Variants in COL1A2 observed in about 807,000 individuals in gnomAD.
The protein encoded by COL1A2 is collagen type I alpha 2 chain, also known as collagen alpha-2(I) chain.
Under a neutral mutation model 174.3 loss-of-function variants are expected in COL1A2, and 49 were observed. That is an observed-to-expected ratio of 0.28 (90% confidence interval 0.22 to 0.36). The LOEUF is 0.36. Ranked by LOEUF, COL1A2 falls within the 10% of genes least tolerant of loss-of-function variation. The pLI is 1.00. For missense variants in COL1A2, 1,438 were observed against 1,822.7 expected (o/e 0.79, Z 3.84); for synonymous variants, 655 against 606.6 (o/e 1.08, Z -1.17).
rs143939843 is a variant in COL1A2 at position 94,425,642 on chromosome 7, C to T, written c.2814C>T (p.Arg938=). 13 of 1,613,986 alleles carry T rather than the reference C, an allele frequency of 8.1e-6. No individual in the cohort carries two copies. The highest frequency in any genetic ancestry group is 6.7e-5 in the African/African-American group (5 of 74,892). Residue 938 remains arginine (R), a synonymous_variant, in exon 43 of 52, where the codon CGC becomes CGT. Transcript: ENST00000297268. ...CTGGGAACGATGGTCCCCCAGGTCG[C>T]GATGGTCAACCCGGACACAAGGTCA... ...GNPGNDGPPG[R]DGQPGHKGER... is the part of the protein sequence containing the mutation.
chr7:94,420,501 G>A, intron 36 of COL1A2, 40 bp from the exon 37 acceptor site: 3 of 1,613,984 alleles, frequency 1.9e-6, no homozygotes, highest in Non-Finnish European at 2.5e-6. Context: ...GGAGTAGAGT[G>A]GGTCGGAATA....
Position 94,412,088 on chromosome 7 carries a change from A to C in COL1A2, c.1371A>C (p.Gly457=). The change falls in exon 24 of 52, where the codon GGA becomes GGC. Residue 457 remains glycine (G), a synonymous_variant. Coordinates refer to ENST00000297268, the MANE Select transcript of COL1A2 (RefSeq NM_000089.4). The part of the protein sequence containing the change: ...MGPRGLPGSP[G]NIGPAGKEGP... The stretch of plus-strand genomic sequence containing the variant: ...TATAGGGTCTTCCTGGTTCCCCTGG[A>C]AATATCGGCCCCGCTGGAAAAGAAG... 1.2e-6 allele frequency: 2 copies of C among 1,612,880 alleles called. No individual in the cohort carries two copies. Among genetic ancestry groups the C allele is most frequent in the Non-Finnish European group, 1.7e-6 (2 of 1,179,282 alleles).
chr7:94,419,410 T>C lies in COL1A2; in HGVS notation c.2026-88T>C, dbSNP rs375325462. On this transcript the variant is annotated intron_variant, in intron 33 of 51. Transcript: ENST00000297268. Reference sequence around the variant, plus strand: ...GAGTGCAGTGAAAGTGTTCAGTCACTGTATAAGCACAGAAAAAAAGAATGA... The same window carrying C: ...GAGTGCAGTGAAAGTGTTCAGTCACCGTATAAGCACAGAAAAAAAGAATGA... 28 of 1,450,230 alleles carry C rather than the reference T, an allele frequency of 1.9e-5. 2 individuals carry two copies. The African/African-American group carries it at 2.9e-4, about 15-fold the overall frequency. 89.8% of individuals were successfully genotyped at this position (1,450,230 alleles called of 1,614,324 possible). A position where few individuals can be genotyped will look rare whatever the true frequency, so the allele number is the denominator to read the frequency against.
intron 5 of COL1A2, among the ~76,000 whole-genome samples, 192 bp from the exon 6 acceptor site, chr7:94,401,375 C>A (rs1243870921): frequency 6.6e-6 from 1 of 152,074 alleles, no homozygotes; most frequent in Non-Finnish European, 1.5e-5. Flanking sequence ...AAGTTTTTGA[C>A]GTACAGCTCT....
At chr7:94,411,181 ATCACACCTGGCATTACT>A in intron 23 of COL1A2, 27 bp downstream of exon 23, 1 of 1,489,118 alleles carries the variant, frequency 6.7e-7, no homozygotes, top group Non-Finnish European at 9.2e-7. Flanking sequence ...TTCTGAGCAA[ATCACACCTGGCATTACT>A]TCCTTCTTTA....
intron 31 of COL1A2, among the ~76,000 whole-genome samples, chr7:94,417,262 T>G (rs1038963934): frequency 6.6e-6 from 1 of 152,170 alleles, no homozygotes; most frequent in African/African-American, 2.4e-5. Flanking sequence ...GTTTTAAGTA[T>G]GTGGAATTGT....
rs370146896 is a variant in COL1A2, at chr7:94,409,419, C to T, written c.890C>T (p.Pro297Leu). The T allele has an allele frequency of 7.4e-6, 12 of 1,613,954 alleles. No homozygotes were observed. The African/African-American group carries it at 1.2e-4, about 16-fold the overall frequency. The change falls in exon 17 of 52, where the codon CCT becomes CTT. Residue 297 changes from proline (P) to leucine (L), a missense_variant and splice_region_variant. Coordinates refer to ENST00000297268, the MANE Select transcript of COL1A2 (RefSeq NM_000089.4). ...GGCCTCTCCGGCCCCGTTGGACCTC[C>T]TGTAAGTAGCCACTGTCTTTAAACT... Reference protein sequence around the residue: ...LPGLSGPVGPPGNPGANGLTG... With the variant: ...LPGLSGPVGPLGNPGANGLTG...
intron 16 of COL1A2, among the ~76,000 whole-genome samples, 167 bp downstream of exon 16, chr7:94,408,990 A>C (rs1279148384): frequency 6.6e-6 from 1 of 152,186 alleles, no homozygotes; most frequent in African/African-American, 2.4e-5. Context: ...TCTACATTTG[A>C]AATAGATCAT....
chr7:94,395,462 A>G (rs1340598590), intron 1 of COL1A2: 1 of 361,382 alleles, frequency 2.8e-6, no homozygotes, highest in East Asian at 7.2e-5. Flanking sequence ...CACAGGCCCC[A>G]TAACCGCACT....
chr7:94,408,338 T>C lies in COL1A2; in HGVS notation c.696T>C (p.Gly232=). 6.2e-7 allele frequency: 1 copy of C among 1,614,112 alleles called. No individual in the cohort carries two copies. The highest frequency in any genetic ancestry group is 1.1e-5 in the South Asian group (1 of 91,072). The stretch of plus-strand genomic sequence containing the variant: ...TCTTCCCTTTATTTTCTTCTTAGGG[T>C]GCCCGTGGCAGTGATGGAAGTGTGG... ...RGRVGAPGPA[G]ARGSDGSVGP... The change falls in exon 15 of 52, where the codon GGT becomes GGC. Residue 232 remains glycine (G), a splice_region_variant and synonymous_variant. Coordinates refer to ENST00000297268, the MANE Select transcript of COL1A2 (RefSeq NM_000089.4).
At position 94,416,419 on chromosome 7, in the gene COL1A2, C is replaced by G. The variant is rs557321932; in HGVS notation, c.1779C>G (p.Pro593=). ...GPAGPRGERG[P]PGESGAAGPT... Reference sequence around the variant, plus strand: ...ACTTTTTTCAGGGGGAACGCGGTCCCCCAGGTGAGAGTGGTGCTGCCGGTC... The same window carrying G: ...ACTTTTTTCAGGGGGAACGCGGTCCGCCAGGTGAGAGTGGTGCTGCCGGTC... Residue 593 remains proline (P), a synonymous_variant, in exon 31 of 52, where the codon CCC becomes CCG. Transcript: ENST00000297268. The G allele has an allele frequency of 6.3e-7, 1 of 1,579,050 alleles. No homozygotes were observed. Among genetic ancestry groups the G allele is most frequent in the East Asian group, 2.3e-5 (1 of 43,150 alleles).
chr7:94,409,679 G>A (rs1272977528), intron 18 of COL1A2, 44 bp from the exon 19 acceptor site: 2 of 1,613,518 alleles, frequency 1.2e-6, no homozygotes, highest in South Asian at 2.2e-5. Context: ...TGCCTCTACA[G>A]CCCATCACCT....
chr7:94,398,297 T>C (rs1363385408), intron 2 of COL1A2, 85 bp from the exon 3 acceptor site: 1 of 458,604 alleles, frequency 2.2e-6, no homozygotes, highest in African/African-American at 2.1e-5. Context: ...GAAGGTATAT[T>C]TGTATACTAC....
chr7:94,430,307 C>T lies in COL1A2; in HGVS notation c.4015C>T (p.Leu1339=). Residue 1339 remains leucine, a synonymous_variant, in exon 52 of 52, where the codon CTG becomes TTG. Coordinates refer to ENST00000297268, the MANE Select transcript of COL1A2 (RefSeq NM_000089.4). ...IEYKTNKPSR[L]PFLDIAPLDI... ...ATACAAAACAAATAAGCCATCACGC[C>T]TGCCCTTCCTTGATATTGCACCTTT... is the stretch of plus-strand genomic sequence containing the variant. 2 of 1,614,082 alleles carry T rather than the reference C, an allele frequency of 1.2e-6. No individual in the cohort carries two copies. The highest frequency in any genetic ancestry group is 8.5e-7 in the Non-Finnish European group (1 of 1,179,972).
At chr7:94,409,249 C>T in intron 16 of COL1A2, 73 bp from the exon 17 acceptor site, 1 of 1,280,312 alleles carries the variant, frequency 7.8e-7, no homozygotes, top group South Asian at 1.2e-5. Flanking sequence ...TTTCATAAAA[C>T]TTGGCATCTT....
chr7:94,395,563 G>C (rs909854116), intron 1 of COL1A2: 1 of 282,038 alleles, frequency 3.5e-6, no homozygotes, highest in African/African-American at 2.2e-5. Context: ...TTATCTTCTG[G>C]GCATTGTAAG....
Position 94,430,976 on chromosome 7 carries a change from T to C in COL1A2, c.*583T>C, listed in dbSNP as rs143609521. 1.3e-5 allele frequency: 2 copies of C among 152,822 alleles called. No individual in the cohort carries two copies. The highest frequency in any genetic ancestry group is 4.8e-5 in the African/African-American group (2 of 41,566). 9.5% of individuals were successfully genotyped at this position (152,822 alleles called of 1,614,324 possible). ...GAGTTGTATCGTGTGGTGTATTTTT[T>C]AAAAAATTTGATTTAGCATTCATAT... On this transcript the variant is annotated 3_prime_UTR_variant, in exon 52 of 52. Coordinates refer to ENST00000297268, the MANE Select transcript of COL1A2 (RefSeq NM_000089.4).
At chr7:94,419,615 A>C in intron 34 of COL1A2, 64 bp downstream of exon 34, 2 of 1,570,136 alleles carry the variant, frequency 1.3e-6, no homozygotes, top group Non-Finnish European at 1.8e-6. Flanking sequence ...CCTAGTCCCA[A>C]AGAGCCCCAG....
At chr7:94,416,052 A>T (rs1276959021) in intron 30 of COL1A2, among the ~76,000 whole-genome samples, 3 of 152,196 alleles carry the variant, frequency 2.0e-5, no homozygotes, top group Non-Finnish European at 4.4e-5. Context: ...CTAAAATGAC[A>T]CAATCTTTTC....
Sources: allele counts gnomAD v4.1 joint callset (sites outside exome capture counted in the v4.1 genomes callset), GRCh38; gene constraint gnomAD v4.1.1; transcripts MANE v1.5; gene names NCBI Gene and HGNC (gene_info 2026-07-23, HGNC 2026-07-21).